The following NXPH1 variants were observed in gnomAD, a reference collection of about 807,000 sequenced individuals.
The protein encoded by NXPH1 is neurexophilin 1, also known as neurexophilin-1.
In NXPH1, 5 loss-of-function variants were observed where a neutral mutation model predicts 23.7. That is an observed-to-expected ratio of 0.21 (90% CI 0.11 to 0.44). The LOEUF (loss-of-function observed/expected upper bound fraction) is 0.44. NXPH1 is among the 20% of genes least tolerant of loss of function. The probability of loss-of-function intolerance (pLI) is 0.99; values close to 1 mark genes in which losing one functional copy is unlikely to be tolerated. For missense variants in NXPH1, 324 were observed against 321.6 expected, an observed-to-expected ratio of 1.01 and a Z score of -0.06; for synonymous variants, 144 against 122.2, an observed-to-expected ratio of 1.18 and a Z score of -1.18.
intron 2 of NXPH1, among the ~76,000 whole-genome samples, chr7:8,564,048 TA>T (rs1477324894): frequency 2.0e-5 from 3 of 151,872 alleles, no homozygotes; most frequent in South Asian, 2.1e-4. Context: ...TGCATAAAAC[TA>T]AGAAACTTCC....
chr7:8,453,004 T>C (rs1268929531), intron 2 of NXPH1, among the ~76,000 whole-genome samples: 2 of 152,166 alleles, frequency 1.3e-5, no homozygotes, highest in Non-Finnish European at 2.9e-5. Flanking sequence ...AGGAATATAG[T>C]ATCTGCAGGC....
chr7:8,519,609 C>G (rs1231426351), intron 2 of NXPH1, among the ~76,000 whole-genome samples: 3 of 152,060 alleles, frequency 2.0e-5, no homozygotes, highest in South Asian at 2.1e-4. Flanking sequence ...GTCAGTTTTC[C>G]TATCTTCATA....
chr7:8,512,363 T>G (rs1049542436), intron 2 of NXPH1, among the ~76,000 whole-genome samples: 4 of 152,134 alleles, frequency 2.6e-5, no homozygotes, highest in Non-Finnish European at 4.4e-5. Context: ...GTCCACTGCA[T>G]GACAAATAGT....
chr7:8,497,351 A>T (rs988135564), intron 2 of NXPH1, among the ~76,000 whole-genome samples: 7 of 152,174 alleles, frequency 4.6e-5, no homozygotes, highest in African/African-American at 7.2e-5. Context: ...TAGCAGCATG[A>T]TTTATAATCC....
rs564011927 is a variant in NXPH1 at position 8,437,992 on chromosome 7, C to G, written c.54+2225C>G. 7.2e-5 allele frequency among the ~76,000 whole-genome samples: 11 copies of G among 152,304 alleles called. No individual in the cohort carries two copies. In the East Asian group the frequency reaches 1.9e-3, roughly 27 times the overall value. ...CGGGGACTAGAAACCACATGCACCA[C>G]AAAAACTACAGCTGATGGCTGTGAC... On this transcript the variant is annotated intron_variant, in intron 2 of 2. Coordinates refer to ENST00000405863, the MANE Select transcript of NXPH1 (RefSeq NM_152745.3).
intron 2 of NXPH1, among the ~76,000 whole-genome samples, chr7:8,679,728 A>G (rs1425403419): frequency 6.6e-6 from 1 of 152,238 alleles, no homozygotes. Flanking sequence ...TCTCTTCATT[A>G]AGATTTAAGC....
At chr7:8,541,147 T>C (rs1427915928) in intron 2 of NXPH1, among the ~76,000 whole-genome samples, 3 of 151,712 alleles carry the variant, frequency 2.0e-5, no homozygotes, top group South Asian at 2.1e-4. Context: ...TGAGTAGATA[T>C]GGAAGAGATG....
chr7:8,548,023 A>G (rs924793072), intron 2 of NXPH1, among the ~76,000 whole-genome samples: 1 of 151,452 alleles, frequency 6.6e-6, no homozygotes, highest in Non-Finnish European at 1.5e-5. Flanking sequence ...TGCTGGGTCA[A>G]ATAATAGTTC....
At chr7:8,543,993 T>C (rs1383781862) in intron 2 of NXPH1, among the ~76,000 whole-genome samples, 2 of 151,588 alleles carry the variant, frequency 1.3e-5, no homozygotes, top group African/African-American at 4.8e-5. Flanking sequence ...GTTAAGTGAC[T>C]TAACCGAGTT....
chr7:8,708,389 T>C (rs1423925718), intron 2 of NXPH1, among the ~76,000 whole-genome samples: 1 of 152,146 alleles, frequency 6.6e-6, no homozygotes, highest in African/African-American at 2.4e-5. Flanking sequence ...AGATGGAGTT[T>C]TGCTCTTGTT....
intron 2 of NXPH1, among the ~76,000 whole-genome samples, chr7:8,606,038 T>C (rs1193826574): frequency 1.3e-5 from 2 of 152,160 alleles, no homozygotes; most frequent in Admixed American, 1.3e-4. Flanking sequence ...GTGTCTAATA[T>C]GTAAAAATAG....
chr7:8,545,782 C>T (rs1047388192), intron 2 of NXPH1, among the ~76,000 whole-genome samples: 1 of 151,424 alleles, frequency 6.6e-6, no homozygotes, highest in African/African-American at 2.4e-5. Flanking sequence ...ATGTTCATAA[C>T]TGATACCATT....
intron 2 of NXPH1, among the ~76,000 whole-genome samples, chr7:8,663,010 A>T (rs1240850196): frequency 6.6e-6 from 1 of 152,096 alleles, no homozygotes; most frequent in Non-Finnish European, 1.5e-5. Context: ...GTATGAGTGT[A>T]ATACTGTGAA....
intron 2 of NXPH1, among the ~76,000 whole-genome samples, chr7:8,459,112 A>G (rs1006730186): frequency 5.3e-5 from 8 of 151,744 alleles, no homozygotes; most frequent in African/African-American, 1.9e-4. Context: ...TCCAAGGAGA[A>G]GGAGTTAACT....
chr7:8,733,437 A>T (rs546579667), intron 2 of NXPH1, among the ~76,000 whole-genome samples: 18 of 152,262 alleles, frequency 1.2e-4, no homozygotes, highest in African/African-American at 4.3e-4. Context: ...CTGGTTCTAG[A>T]TCCTTGAGGA....
chr7:8,506,981 T>C (rs914912978), intron 2 of NXPH1, among the ~76,000 whole-genome samples: 1 of 151,774 alleles, frequency 6.6e-6, no homozygotes, highest in Non-Finnish European at 1.5e-5. Flanking sequence ...ATGATCAGAT[T>C]TGCATGTCAA....
chr7:8,700,138 G>C (rs183966870), intron 2 of NXPH1, among the ~76,000 whole-genome samples: 4 of 152,224 alleles, frequency 2.6e-5, no homozygotes. Flanking sequence ...GAGAGAAACT[G>C]TCATCGTTTC....
intron 2 of NXPH1, among the ~76,000 whole-genome samples, chr7:8,436,234 A>G (rs561373768): frequency 6.6e-6 from 1 of 152,220 alleles, no homozygotes; most frequent in Non-Finnish European, 1.5e-5. Flanking sequence ...GAGACACATA[A>G]AGAAGCGCAG....
intron 2 of NXPH1, among the ~76,000 whole-genome samples, chr7:8,578,632 C>G (rs1394556625): frequency 2.0e-5 from 3 of 152,144 alleles, no homozygotes; most frequent in Admixed American, 6.5e-5. Context: ...GCAGGCTGGT[C>G]ATGAACTAGG....
Sources: gnomAD v4.1 joint callset for allele counts (sites outside exome capture counted in the v4.1 genomes callset) on GRCh38, gnomAD v4.1.1 for gene constraint, MANE v1.5 for transcripts, NCBI Gene and HGNC (gene_info 2026-07-23, HGNC 2026-07-21) for gene names.